The following P2RX5 variants were observed in gnomAD, a reference collection of about 807,000 sequenced individuals.
The protein encoded by P2RX5 is purinergic receptor P2X 5, also known as P2X purinoceptor 5.
In P2RX5, 46 loss-of-function variants were observed where a neutral mutation model predicts 54.1. That is an observed-to-expected ratio of 0.85 (90% CI 0.67 to 1.09). The LOEUF (loss-of-function observed/expected upper bound fraction) is 1.09, where lower values mean the gene tolerates loss of function less well. Ranked by LOEUF, P2RX5 falls within the 50% of genes least tolerant of loss-of-function variation. P2RX5 has a pLI of 0.00. For synonymous variants in P2RX5, 226 were observed against 226.4 expected (o/e 1.00, Z 0.02); for missense variants, 566 against 549.8 (o/e 1.03, Z -0.29).
the P2RX5 span, among the ~76,000 whole-genome samples, chr17:3,713,779 T>A: frequency 0.53 from 79,636 of 150,742 alleles, 21,888 homozygotes; most frequent in African/African-American, 0.64. Context: ...AAAATAAAAA[T>A]TAAAAAATAA....
At chr17:3,683,252 A>G (rs1048545346) in intron 9 of P2RX5, among the ~76,000 whole-genome samples, 1 of 152,050 alleles carries the variant, frequency 6.6e-6, no homozygotes, top group East Asian at 1.9e-4. Flanking sequence ...CCAACAAGGA[A>G]TCTTGGTCCC....
intron 9 of P2RX5, among the ~76,000 whole-genome samples, chr17:3,684,835 CTTTTTTTTT>C (rs138123642): frequency 2.3e-5 from 2 of 86,706 alleles, no homozygotes; most frequent in African/African-American, 7.9e-5. Context: ...ATCCTGCCCC[CTTTTTTTTT>C]TTTTTTTTTT....
chr17:3,693,442 G>T (rs1049248287), intron 1 of P2RX5, among the ~76,000 whole-genome samples: 1 of 152,158 alleles, frequency 6.6e-6, no homozygotes, highest in East Asian at 1.9e-4. Flanking sequence ...ATTCCCAAGA[G>T]ATTGAGAACA....
intron 9 of P2RX5, among the ~76,000 whole-genome samples, chr17:3,683,729 C>CAAAAAAAA (rs59622313): frequency 1.7e-5 from 1 of 58,596 alleles, no homozygotes. Flanking sequence ...GACTCCGTCT[C>CAAAAAAAA]AAAAAAAAAA....
chr17:3,714,214 A>ATCATGCCCAGCCACAAT, the P2RX5 span, among the ~76,000 whole-genome samples: 1 of 150,886 alleles, frequency 6.6e-6, no homozygotes, highest in Non-Finnish European at 1.5e-5. Flanking sequence ...GGCGTGAGCC[A>ATCATGCCCAGCCACAAT]CCGCACCCCG....
At chr17:3,691,417 A>T (rs1318362693) in intron 2 of P2RX5, among the ~76,000 whole-genome samples, 1 of 152,152 alleles carries the variant, frequency 6.6e-6, no homozygotes, top group Admixed American at 6.5e-5. Context: ...TTCTCAGCAG[A>T]CTCAGATAGA....
At chr17:3,702,361 G>A in the P2RX5 span, among the ~76,000 whole-genome samples, 11 of 152,198 alleles carry the variant, frequency 7.2e-5, no homozygotes, top group South Asian at 4.2e-4. Context: ...ACCAATCAGC[G>A]CTCTGTAAAA....
rs935394100 is a variant in P2RX5, at chr17:3,677,221, G to A, written c.1259+2369C>T. The A allele has an allele frequency of 4.2e-5, 41 of 985,256 alleles. No individual in the cohort carries two copies. In the African/African-American group the frequency reaches 5.4e-4, roughly 13 times the overall value. The allele number at this position is 985,256 out of a possible 1,614,324, so 61.0% of individuals were successfully genotyped here. On this transcript the variant is annotated intron_variant, in intron 11 of 11. Transcript: ENST00000225328. ...AGCCCGTTTACACCTGCTGAGTGGCGCCATCCTTGATCTCATTAGCACTTC... is the reference window on the plus strand; with the variant it reads ...AGCCCGTTTACACCTGCTGAGTGGCACCATCCTTGATCTCATTAGCACTTC...
chr17:3,684,426 A>G (rs1001116941), intron 9 of P2RX5, among the ~76,000 whole-genome samples: 18 of 152,330 alleles, frequency 1.2e-4, no homozygotes, highest in African/African-American at 1.7e-4. Flanking sequence ...CAACATAGTG[A>G]GACCCCATTT....
intron 1 of P2RX5, among the ~76,000 whole-genome samples, 198 bp downstream of exon 1, chr17:3,695,671 T>C (rs2050737248): frequency 6.6e-6 from 1 of 151,060 alleles, no homozygotes; most frequent in South Asian, 2.1e-4. Flanking sequence ...AGTGGGGGAG[T>C]GGAGAGCCCC....
At chr17:3,674,237 G>C (rs959713321) in intron 11 of P2RX5, among the ~76,000 whole-genome samples, 3 of 152,160 alleles carry the variant, frequency 2.0e-5, no homozygotes, top group Admixed American at 6.5e-5. Context: ...CGTGAACCCG[G>C]GAGGCGGAGC....
chr17:3,716,837 A>G, the P2RX5 span: 1 of 1,192,826 alleles, frequency 8.4e-7, no homozygotes. Flanking sequence ...AATCAGGTGA[A>G]GCAAACAAGG....
At position 3,688,093 on chromosome 17, in the gene P2RX5, A is replaced by G. The variant is rs1289091180; in HGVS notation, c.900T>C (p.Tyr300=). Residue 300 remains tyrosine (Y), a synonymous_variant, in exon 9 of 12, where the codon TAT becomes TAC. Transcript: ENST00000225328. Reference sequence around the variant, plus strand: ...ACTCCACCCCGGCTGCGTCTCGGTAATATCTGGCAAATCTGAGGGAGACAG... The same window carrying G: ...ACTCCACCCCGGCTGCGTCTCGGTAGTATCTGGCAAATCTGAGGGAGACAG... ...SSGYNFRFAR[Y]YRDAAGVEFR... 1.9e-6 allele frequency: 3 copies of G among 1,597,898 alleles called. No homozygotes were observed. Among genetic ancestry groups the G allele is most frequent in the Non-Finnish European group, 2.6e-6 (3 of 1,169,672 alleles).
At chr17:3,681,165 G>A (rs890749364) in intron 10 of P2RX5, among the ~76,000 whole-genome samples, 5 of 152,116 alleles carry the variant, frequency 3.3e-5, no homozygotes, top group African/African-American at 9.7e-5. Context: ...CAGGGCGCAC[G>A]GCTATAACCC....
In P2RX5 at chr17:3,673,394, T is replaced by C. The variant is rs1177377335; in HGVS notation, c.*474A>G. 2 of 1,044,344 alleles carry C rather than the reference T, an allele frequency of 1.9e-6. No homozygotes were observed. The highest frequency in any genetic ancestry group is 2.3e-6 in the Non-Finnish European group (2 of 864,752). The allele number at this position is 1,044,344 out of a possible 1,614,324, so 64.7% of individuals were successfully genotyped here. On this transcript the variant is annotated 3_prime_UTR_variant, in exon 12 of 12. Coordinates refer to ENST00000225328, the MANE Select transcript of P2RX5 (RefSeq NM_002561.4). ...GTGGTGTCTTTAGGAGAGAGAGTACTTGGATCCACTGGAGAGTATGCTCTG... is the reference window on the plus strand; with the variant it reads ...GTGGTGTCTTTAGGAGAGAGAGTACCTGGATCCACTGGAGAGTATGCTCTG...
the P2RX5 span, among the ~76,000 whole-genome samples, chr17:3,710,337 G>A: frequency 6.6e-6 from 1 of 151,796 alleles, no homozygotes; most frequent in African/African-American, 2.4e-5. Context: ...TGAGGCATGA[G>A]AATCGATTGA....
In P2RX5 at chr17:3,691,501, C is replaced by T. The variant is rs563902665; in HGVS notation, c.288+143G>A. 4 of 997,706 alleles carry T rather than the reference C, an allele frequency of 4.0e-6. No individual in the cohort carries two copies. The African/African-American group carries it at 4.8e-5, about 12-fold the overall frequency. The allele number at this position is 997,706 out of a possible 1,614,324, so 61.8% of individuals were successfully genotyped here. Reference sequence around the variant, plus strand: ...GGGAGGTAGGATCTGGACAGGGTTGCTCTCTGCAAGCCCTGGCAGCTGTCT... The same window carrying T: ...GGGAGGTAGGATCTGGACAGGGTTGTTCTCTGCAAGCCCTGGCAGCTGTCT... On this transcript the variant is annotated intron_variant, in intron 2 of 11. Coordinates refer to ENST00000225328, the MANE Select transcript of P2RX5 (RefSeq NM_002561.4).
the P2RX5 span, among the ~76,000 whole-genome samples, chr17:3,713,021 C>G: frequency 9.0e-6 from 1 of 111,254 alleles, no homozygotes; most frequent in African/African-American, 4.1e-5. Flanking sequence ...TAAGTGCAAA[C>G]TCTAAACAGT....
chr17:3,689,926 GCACACACGCACACACGCGAACACACGCA>G (rs1165800681), intron 6 of P2RX5, 116 bp downstream of exon 6: 14 of 846,702 alleles, frequency 1.7e-5, no homozygotes, highest in Middle Eastern at 2.5e-4. Context: ...ACATGCACGC[GCACACACGCACACACGCGAACACACGCA>G]CACACGTGCA....
Sources: gnomAD v4.1 joint callset for allele counts (sites outside exome capture counted in the v4.1 genomes callset) on GRCh38, gnomAD v4.1.1 for gene constraint, MANE v1.5 for transcripts, NCBI Gene and HGNC (gene_info 2026-07-23, HGNC 2026-07-21) for gene names.